Variants in CNTNAP4 observed in about 807,000 individuals in gnomAD.
The protein encoded by CNTNAP4 is contactin-associated protein-like 4.
A neutral mutation model predicts 148.4 loss-of-function variants in CNTNAP4; 98 were observed. The observed-to-expected ratio is 0.66, with a 90% CI of 0.56 to 0.78. The LOEUF is 0.78. Among genes scored for constraint, CNTNAP4 ranks in the 30% least tolerant of loss-of-function variants. The pLI is 0.00. For synonymous variants in CNTNAP4, 730 were observed against 565.1 expected (o/e 1.29, Z -4.14); for missense variants, 1,935 against 1,565.6 (o/e 1.24, Z -3.98).
At chr16:76,279,900 A>G (rs1958622315) in intron 1 of CNTNAP4, among the ~76,000 whole-genome samples, 1 of 152,186 alleles carries the variant, frequency 6.6e-6, no homozygotes. Flanking sequence ...GTACCAAGCC[A>G]TGGTGGAAAG....
chr16:76,522,024 G>C lies in CNTNAP4; in HGVS notation c.2537-15G>C. On this transcript the variant is annotated splice_polypyrimidine_tract_variant and intron_variant, in intron 16 of 23. Transcript: ENST00000611870. ...AGGAACTCACTAGAACAATCTTTAT[G>C]TGTAATATTTCCAGCTCCGACAGTA... The C allele has an allele frequency of 6.2e-7, 1 of 1,612,358 alleles. No homozygotes were observed. The highest frequency in any genetic ancestry group is 8.5e-7 in the Non-Finnish European group (1 of 1,178,396).
At chr16:76,460,777 T>A (rs1471783173) in intron 8 of CNTNAP4, among the ~76,000 whole-genome samples, 5,682 of 51,416 alleles carry the variant, frequency 0.11, 460 homozygotes, top group African/African-American at 0.12. Context: ...AAAAAAAATA[T>A]ATATATATAT....
At position 76,427,595 on chromosome 16, in the gene CNTNAP4, A is replaced by C. The variant is rs780365834; in HGVS notation, c.534A>C (p.Ala178=). 1.2e-6 allele frequency: 2 copies of C among 1,606,498 alleles called. No individual in the cohort carries two copies. ...IGMRIEVFGC[A]YRSEVVDLDG... The stretch of plus-strand genomic sequence containing the variant: ...TGCGAATCGAAGTGTTCGGATGTGC[A>C]TACAGTAAGTGTTTGTTTATCCAAT... Residue 178 remains alanine, a synonymous_variant, in exon 4 of 24, where the codon GCA becomes GCC. Transcript: ENST00000611870.
At chr16:76,416,665 G>A (rs1367533688) in intron 3 of CNTNAP4, among the ~76,000 whole-genome samples, 1 of 151,348 alleles carries the variant, frequency 6.6e-6, no homozygotes, top group East Asian at 1.9e-4. Flanking sequence ...GATAATACAT[G>A]GTGAATGTTC....
intron 10 of CNTNAP4, among the ~76,000 whole-genome samples, chr16:76,468,510 C>A (rs2081255925): frequency 6.6e-6 from 1 of 151,890 alleles, no homozygotes; most frequent in Admixed American, 6.6e-5. Flanking sequence ...TTTTTTGAGA[C>A]AAGGTCTGGC....
chr16:76,388,043 C>T (rs2016660640), intron 3 of CNTNAP4, among the ~76,000 whole-genome samples: 1 of 152,182 alleles, frequency 6.6e-6, no homozygotes, highest in Non-Finnish European at 1.5e-5. Context: ...TTGCCCCATA[C>T]TCAAGGGTTT....
In CNTNAP4 at chr16:76,535,777, C is replaced by G. The variant is rs1459609546; in HGVS notation, c.2988C>G (p.Cys996Trp). The change falls in exon 18 of 24, where the codon TGC becomes TGG. Residue 996 changes from cysteine to tryptophan, a missense_variant. Physicochemically the swap from Cys to Trp is radical, Grantham distance 215. Coordinates refer to ENST00000611870, the MANE Select transcript of CNTNAP4 (RefSeq NM_033401.5). ...TCTCTGCATACACAGGGCCATTCTG[C>G]TCAAATGGTAAGTGTGGCATGGAAG... ...CTFSAYTGPF[C>W]SNEISAYFGS... 1 of 1,613,108 alleles carries G rather than the reference C, an allele frequency of 6.2e-7. No homozygotes were observed. Among genetic ancestry groups the G allele is most frequent in the African/African-American group, 1.3e-5 (1 of 75,040 alleles).
At chr16:76,462,239 A>G in intron 9 of CNTNAP4, 134 bp downstream of exon 9, 1 of 778,458 alleles carries the variant, frequency 1.3e-6, no homozygotes, top group Non-Finnish European at 1.9e-6. Flanking sequence ...GATCACGGAC[A>G]TTTTGGGTGG....
chr16:76,349,319 C>A (rs1206534991), intron 2 of CNTNAP4, among the ~76,000 whole-genome samples: 4 of 152,128 alleles, frequency 2.6e-5, no homozygotes, highest in Non-Finnish European at 2.9e-5. Flanking sequence ...GGCTCAAGGT[C>A]ACCTGCCCAT....
intron 12 of CNTNAP4, among the ~76,000 whole-genome samples, chr16:76,487,609 T>G (rs762666515): frequency 6.6e-6 from 1 of 152,194 alleles, no homozygotes; most frequent in Non-Finnish European, 1.5e-5. Context: ...TTAAGGCACC[T>G]ATCTCCGTTG....
chr16:76,538,875 A>G lies in CNTNAP4; in HGVS notation c.3220+535A>G, dbSNP rs962002397. Among the ~76,000 whole-genome samples the G allele has an allele frequency of 8.5e-4, 130 of 152,170 alleles. 1 individual carries two copies. The highest frequency in any genetic ancestry group is 1.2e-4 in the Non-Finnish European group (8 of 67,916). On this transcript the variant is annotated intron_variant, in intron 19 of 23. Coordinates refer to ENST00000611870, the MANE Select transcript of CNTNAP4 (RefSeq NM_033401.5). ...ATGTAGATTAGGAAATGTGTTTCCTACAGAAAACCATTTACTGCTATTTTT... is the reference window on the plus strand; with the variant it reads ...ATGTAGATTAGGAAATGTGTTTCCTGCAGAAAACCATTTACTGCTATTTTT...
chr16:76,339,533 G>A (rs58741496), intron 2 of CNTNAP4, among the ~76,000 whole-genome samples: 3,345 of 152,002 alleles, frequency 0.022, 124 homozygotes, highest in African/African-American at 0.077. Flanking sequence ...AGATTGATGG[G>A]AATTAATCAA....
intron 4 of CNTNAP4, among the ~76,000 whole-genome samples, chr16:76,443,796 A>G (rs371800943): frequency 1.8e-3 from 272 of 152,224 alleles, no homozygotes; most frequent in African/African-American, 5.8e-3. Context: ...TCACCCTGAA[A>G]TTTTTTATTT....
chr16:76,532,424 CA>C (rs980143518), intron 17 of CNTNAP4, among the ~76,000 whole-genome samples: 1 of 151,998 alleles, frequency 6.6e-6, no homozygotes, highest in African/African-American at 2.4e-5. Context: ...TAAACAAACA[CA>C]AAAAAATCAG....
chr16:76,338,216 A>T (rs1210300752), intron 2 of CNTNAP4, among the ~76,000 whole-genome samples: 1 of 152,208 alleles, frequency 6.6e-6, no homozygotes, highest in Non-Finnish European at 1.5e-5. Context: ...TTATAAAAGT[A>T]TTAATTTTGG....
At chr16:76,328,699 G>A (rs1475980810) in intron 2 of CNTNAP4, among the ~76,000 whole-genome samples, 7 of 152,000 alleles carry the variant, frequency 4.6e-5, no homozygotes, top group Admixed American at 4.6e-4. Context: ...ATGCTGGAGT[G>A]CATTAGCGCA....
At chr16:76,334,179 A>T (rs1206699233) in intron 2 of CNTNAP4, among the ~76,000 whole-genome samples, 1 of 73,764 alleles carries the variant, frequency 1.4e-5, no homozygotes, top group Non-Finnish European at 3.6e-5. Context: ...CTTAAAGTAT[A>T]ATAATAATAA....
intron 2 of CNTNAP4, among the ~76,000 whole-genome samples, chr16:76,317,443 T>A (rs1961913936): frequency 1.3e-5 from 2 of 152,082 alleles, no homozygotes; most frequent in African/African-American, 4.8e-5. Context: ...AGAGACAGAG[T>A]GTCACTGTGA....
intron 1 of CNTNAP4, among the ~76,000 whole-genome samples, chr16:76,288,762 C>A (rs1028560538): frequency 6.6e-6 from 1 of 152,078 alleles, no homozygotes; most frequent in Non-Finnish European, 1.5e-5. Context: ...GAAAACAATA[C>A]GTTGATGGAT....
Sources: gnomAD v4.1 joint callset for allele counts (sites outside exome capture counted in the v4.1 genomes callset) on GRCh38, gnomAD v4.1.1 for gene constraint, MANE v1.5 for transcripts, NCBI Gene and HGNC (gene_info 2026-07-23, HGNC 2026-07-21) for gene names.